The following KCNK9 variants were observed in gnomAD, a reference collection of about 807,000 sequenced individuals.
The protein encoded by KCNK9 is potassium two pore domain channel subfamily K member 9, also known as potassium channel subfamily K member 9.
KCNK9 carries 1 observed loss-of-function variant against 10.8 expected under a neutral mutation model. The ratio of observed to expected loss-of-function variants is 0.09; its 90% CI spans 0.03 to 0.44. The LOEUF (loss-of-function observed/expected upper bound fraction) is 0.44. Ranked by LOEUF, KCNK9 falls within the 20% of genes least tolerant of loss-of-function variation. KCNK9 has a pLI of 0.97. For synonymous variants in KCNK9, 231 were observed against 222.7 expected (o/e 1.04, Z -0.33); for missense variants, 303 against 515.0 (o/e 0.59, Z 3.98).
rs796406573 is a variant in KCNK9, at chr8:139,660,441, TAA to T, written c.284-41344_284-41343del. 4.8e-3 allele frequency among the ~76,000 whole-genome samples: 640 copies of T among 132,872 alleles called. 7 individuals are homozygous for T. Among genetic ancestry groups the T allele is most frequent in the African/African-American group, 0.017 (560 of 32,504 alleles). 87.2% of individuals were successfully genotyped at this position (132,872 alleles called of 152,430 possible). ...CCAATGTCGTGAAACCCGTCTCTGC[TAA>T]AAAAAAATATATATATATATATATA... On this transcript the variant is annotated intron_variant, in intron 1 of 1. Transcript: ENST00000520439.
chr8:139,676,489 A>T (rs1816552643), intron 1 of KCNK9, among the ~76,000 whole-genome samples: 1 of 152,222 alleles, frequency 6.6e-6, no homozygotes, highest in Non-Finnish European at 1.5e-5. Flanking sequence ...GTCTCAGAAT[A>T]GGGCTACCTG....
In KCNK9 at chr8:139,698,091, G is replaced by A. The variant is rs553341523; in HGVS notation, c.283+4619C>T. On this transcript the variant is annotated intron_variant, in intron 1 of 1. Transcript: ENST00000520439. ...AAAAACGCGATGGACTACTCCAGGA[G>A]CCCAGCCCTGGTCCCAGGGAAAACA... Among the ~76,000 whole-genome samples the A allele has an allele frequency of 1.1e-3, 160 of 152,328 alleles. 1 individual carries two copies. The highest frequency in any genetic ancestry group is 3.8e-3 in the African/African-American group (156 of 41,578).
chr8:139,653,956 A>T (rs12114521), intron 1 of KCNK9, among the ~76,000 whole-genome samples: 1 of 151,886 alleles, frequency 6.6e-6, no homozygotes, highest in Non-Finnish European at 1.5e-5. Flanking sequence ...GCCCGTGTTC[A>T]TTTCTTCCAC....
At chr8:139,631,563 C>T (rs548253289) in intron 1 of KCNK9, among the ~76,000 whole-genome samples, 14 of 152,268 alleles carry the variant, frequency 9.2e-5, no homozygotes, top group East Asian at 3.9e-4. Context: ...TCCTGCTGGC[C>T]GCCTCCACCC....
intron 1 of KCNK9, among the ~76,000 whole-genome samples, chr8:139,632,562 A>G (rs920500060): frequency 3.9e-5 from 6 of 152,196 alleles, no homozygotes; most frequent in Non-Finnish European, 7.4e-5. Context: ...CATGTGACTC[A>G]GTGCTGGCCA....
At chr8:139,672,757 G>A (rs553156278) in intron 1 of KCNK9, among the ~76,000 whole-genome samples, 3 of 152,320 alleles carry the variant, frequency 2.0e-5, no homozygotes, top group East Asian at 3.9e-4. Context: ...GACAGGAGCC[G>A]CATGGGAAGG....
intron 1 of KCNK9, among the ~76,000 whole-genome samples, chr8:139,680,907 G>A: frequency 6.6e-6 from 1 of 152,144 alleles, no homozygotes; most frequent in African/African-American, 2.4e-5. Context: ...CAGCAGCCTG[G>A]GGCTCTCTCC....
downstream of KCNK9, chr8:139,612,658 A>ATG (rs900144794): frequency 6.6e-6 from 1 of 152,218 alleles, no homozygotes; most frequent in African/African-American, 2.4e-5. Flanking sequence ...CCTCTCTTGA[A>ATG]TGTGCAGTTA....
At chr8:139,692,717 C>T (rs1298587219) in intron 1 of KCNK9, among the ~76,000 whole-genome samples, 11 of 152,188 alleles carry the variant, frequency 7.2e-5, no homozygotes, top group Admixed American at 7.2e-4. Context: ...TGGGCCCTTC[C>T]CTGCAGCCCG....
At chr8:139,663,619 T>C (rs921866477) in intron 1 of KCNK9, among the ~76,000 whole-genome samples, 8 of 147,940 alleles carry the variant, frequency 5.4e-5, no homozygotes, top group Admixed American at 1.3e-4. Flanking sequence ...CATTCACGTT[T>C]TCCCCCCAGG....
At chr8:139,615,139 C>G (rs1814542124), downstream of KCNK9, among the ~76,000 whole-genome samples, 1 of 152,178 alleles carries the variant, frequency 6.6e-6, no homozygotes, top group Non-Finnish European at 1.5e-5. Context: ...AATTGTCCAG[C>G]AACAAGAGAT....
At chr8:139,635,206 A>G (rs1337730210) in intron 1 of KCNK9, among the ~76,000 whole-genome samples, 1 of 152,260 alleles carries the variant, frequency 6.6e-6, no homozygotes, top group Non-Finnish European at 1.5e-5. Flanking sequence ...AGCACAACCA[A>G]TGTTAGGGTG....
intron 2 of KCNK9, among the ~76,000 whole-genome samples, chr8:139,601,804 G>A (rs1272649944): frequency 1.3e-5 from 2 of 152,188 alleles, no homozygotes; most frequent in Admixed American, 1.3e-4. Flanking sequence ...CCCTCTTACT[G>A]TTTGGGAAGA....
intron 1 of KCNK9, among the ~76,000 whole-genome samples, chr8:139,634,065 G>A (rs1026846637): frequency 5.9e-5 from 9 of 152,246 alleles, no homozygotes; most frequent in East Asian, 3.9e-4. Context: ...ACCACACCTC[G>A]CCTGCTGGTT....
At chr8:139,698,950 T>C (rs1817129885) in intron 1 of KCNK9, among the ~76,000 whole-genome samples, 1 of 152,142 alleles carries the variant, frequency 6.6e-6, no homozygotes, top group African/African-American at 2.4e-5. Context: ...CCCCAGCCAG[T>C]CAGCTCAATC....
At position 139,703,067 on chromosome 8, in the gene KCNK9, G is replaced by A. The variant is rs1010575265; in HGVS notation, c.-75C>T. ...CCGCGCGCGTCCCACTGCAGCGCCC[G>A]GCGGCCGCCGCCGCCTCCTCCTCCG... On this transcript the variant is annotated 5_prime_UTR_variant, in exon 1 of 2. Coordinates refer to ENST00000520439, the MANE Select transcript of KCNK9 (RefSeq NM_001282534.2). This position sits in a 1 kb window ranked among gnomAD's most constrained non-coding sequence, Gnocchi z 6.4. 5 of 1,283,004 alleles carry A rather than the reference G, an allele frequency of 3.9e-6. No homozygotes were observed. The African/African-American group carries it at 7.8e-5, about 20-fold the overall frequency. The allele number at this position is 1,283,004 out of a possible 1,614,324, so 79.5% of individuals were successfully genotyped here.
At chr8:139,624,841 G>T (rs1439030853) in intron 1 of KCNK9, among the ~76,000 whole-genome samples, 3 of 152,210 alleles carry the variant, frequency 2.0e-5, no homozygotes, top group African/African-American at 7.2e-5. Flanking sequence ...CGGGGTTCCT[G>T]CCCTACAGAT....
At chr8:139,620,525 C>A in intron 1 of KCNK9, among the ~76,000 whole-genome samples, 1 of 152,160 alleles carries the variant, frequency 6.6e-6, no homozygotes, top group East Asian at 1.9e-4. Flanking sequence ...CTCCTTCCTG[C>A]ATGAAGCTGC....
intron 1 of KCNK9, among the ~76,000 whole-genome samples, chr8:139,676,970 A>G (rs62520200): frequency 0.5 from 76,035 of 151,264 alleles, 20,232 homozygotes; most frequent in Non-Finnish European, 0.59. Context: ...CAAACAAACA[A>G]ACAGACAGAC....
Sources: gnomAD v4.1 joint callset for allele counts (sites outside exome capture counted in the v4.1 genomes callset) on GRCh38, gnomAD v4.1.1 for gene constraint, Gnocchi (gnomAD v3.1) non-coding constraint, MANE v1.5 for transcripts, NCBI Gene and HGNC (gene_info 2026-07-23, HGNC 2026-07-21) for gene names.